Variants in IQGAP3 observed in about 807,000 individuals in gnomAD.
IQGAP3 encodes the protein ras GTPase-activating-like protein IQGAP3.
In IQGAP3, 165 loss-of-function variants were observed where a neutral mutation model predicts 208.2. That is an observed-to-expected ratio of 0.79 (90% CI 0.70 to 0.90). The LOEUF is 0.90. Among genes scored for constraint, IQGAP3 ranks in the 40% least tolerant of loss-of-function variants. The pLI, the probability that IQGAP3 is intolerant of heterozygous loss-of-function variation, is 0.00. For synonymous variants in IQGAP3, 703 were observed against 803.6 expected, an observed-to-expected ratio of 0.87 and a Z score of 2.12; for missense variants, 1,811 against 2,043.1, an observed-to-expected ratio of 0.89 and a Z score of 2.19.
chr1:156,535,160 T>C lies in IQGAP3; in HGVS notation c.3507+3A>G. 2 of 1,610,622 alleles carry C rather than the reference T, an allele frequency of 1.2e-6. No homozygotes were observed. The highest frequency in any genetic ancestry group is 1.7e-6 in the Non-Finnish European group (2 of 1,177,032). Reference sequence around the variant, plus strand: ...GAGGTGGGGGTGGGGAGACAACACTTGCCTTATAGACCTCGCTGTCTGTGG... The same window carrying C: ...GAGGTGGGGGTGGGGAGACAACACTCGCCTTATAGACCTCGCTGTCTGTGG... On this transcript the variant is annotated splice_donor_region_variant and intron_variant, in intron 28 of 37. Coordinates refer to ENST00000361170, the MANE Select transcript of IQGAP3 (RefSeq NM_178229.5).
chr1:156,530,317 C>T lies in IQGAP3; in HGVS notation c.4192G>A (p.Glu1398Lys), dbSNP rs1265428747. 5 of 1,605,912 alleles carry T rather than the reference C, an allele frequency of 3.1e-6. No individual in the cohort carries two copies. The highest frequency in any genetic ancestry group is 2.7e-5 in the African/African-American group (2 of 74,886). Residue 1398 changes from glutamate (E) to lysine (K), a missense_variant and splice_region_variant, in exon 34 of 38, where the codon GAA becomes AAA. Glu to Lys is a moderately conservative substitution (Grantham distance 56, BLOSUM62 1). Transcript: ENST00000361170. ...ILSLSASREQEAAHKQLMSRR... is the reference protein window; with the variant it reads ...ILSLSASREQKAAHKQLMSRR... ...CTCATCAGCTGCTTGTGGGCTGCTT[C>T]CTGGGGACACACAGACGCTGGAGGG... is the stretch of plus-strand genomic sequence containing the variant.
intron 15 of IQGAP3, among the ~76,000 whole-genome samples, chr1:156,551,221 C>T (rs1400577403): frequency 2.0e-5 from 3 of 152,148 alleles, no homozygotes; most frequent in Admixed American, 1.3e-4. Context: ...TTAAGTAACA[C>T]GTGCAGGGTC....
intron 10 of IQGAP3, 66 bp from the exon 11 acceptor site, chr1:156,561,087 GC>G: frequency 8.9e-7 from 1 of 1,122,330 alleles, no homozygotes. Flanking sequence ...TTTACGAGTT[GC>G]CAGCATGAGC....
At chr1:156,531,285 G>C in intron 32 of IQGAP3, 38 bp from the exon 33 acceptor site, 1 of 1,518,448 alleles carries the variant, frequency 6.6e-7, no homozygotes, top group Non-Finnish European at 9.1e-7. Context: ...GAGGTAAGGG[G>C]CAGGGGAAGG....
chr1:156,537,215 G>T lies in IQGAP3; in HGVS notation c.3388C>A (p.Leu1130Ile), dbSNP rs1168987808. Residue 1130 changes from leucine (L) to isoleucine (I), a missense_variant, in exon 27 of 38, where the codon CTT becomes ATT. Coordinates refer to ENST00000361170, the MANE Select transcript of IQGAP3 (RefSeq NM_178229.5). ...RNLLAMTDKFLLAITSSVDQI... is the reference protein window; with the variant it reads ...RNLLAMTDKFILAITSSVDQI... ...TCCACAGATGAGGTGATGGCTAAAA[G>T]GAACTTATCAGTCATGGCGAGGAGG... is the stretch of plus-strand genomic sequence containing the variant. 1 of 1,613,952 alleles carries T rather than the reference G, an allele frequency of 6.2e-7. No homozygotes were observed. Among genetic ancestry groups the T allele is most frequent in the African/African-American group, 1.3e-5 (1 of 74,922 alleles).
At position 156,561,039 on chromosome 1, in the gene IQGAP3, T is replaced by C. The variant is rs193083591; in HGVS notation, c.1042-18A>G. ...CCCAGCTCCTAAGAGAGGGAAGAGA[T>C]ACAGTAGAATGGAGTCCTTCCGGGG... is the stretch of plus-strand genomic sequence containing the variant. On this transcript the variant is annotated intron_variant, in intron 10 of 37. Coordinates refer to ENST00000361170, the MANE Select transcript of IQGAP3 (RefSeq NM_178229.5). 1.3e-6 allele frequency: 2 copies of C among 1,581,796 alleles called. No individual in the cohort carries two copies. The highest frequency in any genetic ancestry group is 2.2e-5 in the East Asian group (1 of 44,706).
chr1:156,537,417 T>C, intron 26 of IQGAP3, 96 bp from the exon 27 acceptor site: 1 of 1,235,374 alleles, frequency 8.1e-7, no homozygotes, highest in Non-Finnish European at 1.1e-6. Context: ...AACAACAAGA[T>C]CTCATACAGA....
At chr1:156,569,543 T>TTC (rs1676550926) in intron 1 of IQGAP3, 80 bp from the exon 2 acceptor site, 1 of 802,854 alleles carries the variant, frequency 1.2e-6, no homozygotes, top group African/African-American at 1.8e-5. Flanking sequence ...TTTTTTTTTT[T>TTC]TTTTTTTTTG....
At chr1:156,541,622 C>G (rs1026878534) in intron 22 of IQGAP3, among the ~76,000 whole-genome samples, 1 of 152,180 alleles carries the variant, frequency 6.6e-6, no homozygotes, top group Non-Finnish European at 1.5e-5. Context: ...TACACTATAA[C>G]TATCCTCTCT....
At chr1:156,561,217 G>T (rs1214594501) in intron 10 of IQGAP3, among the ~76,000 whole-genome samples, 196 bp from the exon 11 acceptor site, 2 of 151,730 alleles carry the variant, frequency 1.3e-5, no homozygotes, top group Non-Finnish European at 2.9e-5. Context: ...CTCCCAGGCT[G>T]GAGTGCAGTG....
intron 19 of IQGAP3, among the ~76,000 whole-genome samples, chr1:156,546,088 C>T (rs1675230556): frequency 6.6e-6 from 1 of 152,178 alleles, no homozygotes; most frequent in African/African-American, 2.4e-5. Flanking sequence ...GGACTCTTTC[C>T]TTTCCTCCTC....
intron 11 of IQGAP3, among the ~76,000 whole-genome samples, chr1:156,559,804 G>A (rs1156848083): frequency 6.6e-6 from 1 of 152,218 alleles, no homozygotes; most frequent in African/African-American, 2.4e-5. Flanking sequence ...ACTCTGGAAA[G>A]GTCTTATCTG....
Position 156,530,091 on chromosome 1 carries a change from G to C in IQGAP3, c.4404+14C>G. The stretch of plus-strand genomic sequence containing the variant: ...GTACACACAGGCACACGGAGCCCAG[G>C]CCCAGGTTGTTACCTTGGCCAGCTC... On this transcript the variant is annotated intron_variant, in intron 34 of 37. Coordinates refer to ENST00000361170, the MANE Select transcript of IQGAP3 (RefSeq NM_178229.5). The C allele has an allele frequency of 6.3e-7, 1 of 1,577,774 alleles. No individual in the cohort carries two copies.
At chr1:156,534,256 C>T in intron 29 of IQGAP3, 115 bp from the exon 30 acceptor site, 1 of 1,492,570 alleles carries the variant, frequency 6.7e-7, no homozygotes, top group Non-Finnish European at 9.1e-7. Context: ...TTGGACTCTC[C>T]AGTCTCAGCT....
Position 156,528,153 on chromosome 1 carries a change from G to A in IQGAP3, c.4674-93C>T, listed in dbSNP as rs61414810. On this transcript the variant is annotated intron_variant, in intron 36 of 37. Transcript: ENST00000361170. ...CCCACTGCTCCTCATCCTGGGCAGC[G>A]GTGTCATCCAGAACCAGTTTTCCCT... is the stretch of plus-strand genomic sequence containing the variant. The A allele has an allele frequency of 2.4e-3, 2,316 of 951,160 alleles. 27 individuals are homozygous for A. The African/African-American group carries it at 0.033, about 13-fold the overall frequency. The allele number at this position is 951,160 out of a possible 1,614,324, so 58.9% of individuals were successfully genotyped here.
chr1:156,544,196 C>T lies in IQGAP3; in HGVS notation c.2416G>A (p.Ala806Thr). 6.2e-7 allele frequency: 1 copy of T among 1,614,164 alleles called. No homozygotes were observed. Among genetic ancestry groups the T allele is most frequent in the Non-Finnish European group, 8.5e-7 (1 of 1,180,040 alleles). ...KIQAWARMWA[A>T]RRQYLRRLHY... ...AGACGCCTCAGGTATTGCCTCCGAG[C>T]TGCCCACATCCGGGCCCAGGCCTGG... Residue 806 changes from alanine (A) to threonine (T), a missense_variant, in exon 21 of 38, where the codon GCT becomes ACT. Transcript: ENST00000361170.
Position 156,554,410 on chromosome 1 carries a change from G to A in IQGAP3, c.1291-18C>T. On this transcript the variant is annotated intron_variant, in intron 12 of 37. Coordinates refer to ENST00000361170, the MANE Select transcript of IQGAP3 (RefSeq NM_178229.5). The stretch of plus-strand genomic sequence containing the variant: ...CCAAGCTCCTACAATGGGTGGGAGG[G>A]CCAATTCCCAAGTGGGCAGGTGAAG... 6.3e-7 allele frequency: 1 copy of A among 1,581,296 alleles called. No individual in the cohort carries two copies. The highest frequency in any genetic ancestry group is 2.2e-5 in the East Asian group (1 of 44,456).
Position 156,526,189 on chromosome 1 carries a change from T to G in IQGAP3, c.*297A>C. The G allele has an allele frequency of 2.9e-6, 1 of 344,804 alleles. No individual in the cohort carries two copies. The highest frequency in any genetic ancestry group is 5.5e-6 in the Non-Finnish European group (1 of 182,212). The allele number at this position is 344,804 out of a possible 1,614,324, so 21.4% of individuals were successfully genotyped here. A position where few individuals can be genotyped will look rare whatever the true frequency, so the allele number is the denominator to read the frequency against. On this transcript the variant is annotated 3_prime_UTR_variant, in exon 38 of 38. Coordinates refer to ENST00000361170, the MANE Select transcript of IQGAP3 (RefSeq NM_178229.5). ...GGGAGGGCAGTAGCAGACACAAGAG[T>G]AATGGCTTTCCCAGGTCAAGGTCCA...
At chr1:156,547,004 T>C (rs7533781) in intron 19 of IQGAP3, among the ~76,000 whole-genome samples, 48,970 of 152,166 alleles carry the variant, frequency 0.32, 8,409 homozygotes, top group East Asian at 0.55. Flanking sequence ...CCAAGTGGCA[T>C]GCTCTTGGCA....
Sources: gnomAD v4.1 joint callset for allele counts (sites outside exome capture counted in the v4.1 genomes callset) on GRCh38, gnomAD v4.1.1 for gene constraint, MANE v1.5 for transcripts, NCBI Gene and HGNC (gene_info 2026-07-23, HGNC 2026-07-21) for gene names.